The following POR variants were observed in gnomAD, a reference collection of about 807,000 sequenced individuals.
POR encodes the protein cytochrome p450 oxidoreductase.
Under a neutral mutation model 84.0 loss-of-function variants are expected in POR, and 56 were observed. The observed-to-expected ratio is 0.67, with a 90% CI of 0.54 to 0.83. POR has a LOEUF of 0.83. Among genes scored for constraint, POR ranks in the 40% least tolerant of loss-of-function variants. POR has a pLI of 0.00. For synonymous variants in POR, 414 were observed against 400.5 expected (o/e 1.03, Z -0.40); for missense variants, 938 against 944.3 (o/e 0.99, Z 0.09).
At chr7:75,963,078 G>T (rs369263289) in intron 2 of POR, among the ~76,000 whole-genome samples, 11 of 152,352 alleles carry the variant, frequency 7.2e-5, no homozygotes, top group South Asian at 6.2e-4. Context: ...CGGGAGGCCA[G>T]GGGTCAGGGC....
chr7:75,966,425 C>T (rs939983372), intron 2 of POR, among the ~76,000 whole-genome samples: 18 of 152,190 alleles, frequency 1.2e-4, no homozygotes, highest in Non-Finnish European at 2.1e-4. Context: ...AATCTGGGTC[C>T]GCCTAGCAGA....
chr7:75,934,281 C>T (rs1244548931), intron 1 of POR, among the ~76,000 whole-genome samples: 1 of 151,728 alleles, frequency 6.6e-6, no homozygotes, highest in Non-Finnish European at 1.5e-5. Context: ...GTATAATTCC[C>T]TTATAACAAG....
intron 2 of POR, among the ~76,000 whole-genome samples, chr7:75,957,582 G>A (rs1787742615): frequency 6.6e-6 from 1 of 152,122 alleles, no homozygotes; most frequent in African/African-American, 2.4e-5. Context: ...TCCTCTCATA[G>A]CTCATCTGTT....
At chr7:75,942,265 G>C (rs1554551609) in intron 1 of POR, among the ~76,000 whole-genome samples, 1 of 152,116 alleles carries the variant, frequency 6.6e-6, no homozygotes. Context: ...GTTTCATTGG[G>C]GTTCTGAATT....
At chr7:75,917,639 C>A (rs1806637445) in intron 1 of POR, among the ~76,000 whole-genome samples, 1 of 150,716 alleles carries the variant, frequency 6.6e-6, no homozygotes, top group South Asian at 2.1e-4. Context: ...TGACAATTTT[C>A]TTTTCTTTTC....
At chr7:75,939,186 C>T (rs782065504) in intron 1 of POR, among the ~76,000 whole-genome samples, 1 of 152,196 alleles carries the variant, frequency 6.6e-6, no homozygotes, top group Non-Finnish European at 1.5e-5. Context: ...GTTTGCTGCA[C>T]GCATGGACGT....
At position 75,985,766 on chromosome 7, in the gene POR, C is replaced by G; in HGVS notation, c.1586C>G (p.Thr529Arg). Residue 529 changes from threonine (T) to arginine (R), a missense_variant, in exon 13 of 16, where the codon ACG becomes AGG. Coordinates refer to ENST00000461988, the MANE Select transcript of POR (RefSeq NM_000941.3). ...TTCCGCCTGCCCTTCAAGGCCACCA[C>G]GCCTGTCATCATGGTGGGCCCCGGC... The G allele has an allele frequency of 1.9e-6, 3 of 1,579,054 alleles. No homozygotes were observed. The highest frequency in any genetic ancestry group is 1.3e-5 in the African/African-American group (1 of 74,324).
chr7:75,962,852 G>A (rs1465172076), intron 2 of POR, among the ~76,000 whole-genome samples: 2 of 152,224 alleles, frequency 1.3e-5, no homozygotes, highest in Admixed American at 6.5e-5. Context: ...GTGGGCTGCT[G>A]TGCCAGCGGT....
intron 2 of POR, among the ~76,000 whole-genome samples, chr7:75,959,048 A>G (rs1362234): frequency 0.038 from 5,839 of 152,226 alleles, 232 homozygotes; most frequent in African/African-American, 0.1. Context: ...CAGATTTTAG[A>G]TTAGGGACAT....
intron 1 of POR, among the ~76,000 whole-genome samples, chr7:75,935,209 T>G (rs956023996): frequency 6.6e-6 from 1 of 151,640 alleles, no homozygotes; most frequent in Non-Finnish European, 1.5e-5. Flanking sequence ...CAAAAGGAGA[T>G]TATTTGGGAG....
chr7:75,985,837 C>G lies in POR; in HGVS notation c.1657C>G (p.Leu553Val), dbSNP rs1554559196. 6.5e-7 allele frequency: 1 copy of G among 1,550,282 alleles called. No individual in the cohort carries two copies. ...AGGCTTCATCCAGGAGCGGGCCTGG[C>G]TGCGACAGCAGGGTGAGTGGGGTCC... The change falls in exon 13 of 16, where the codon CTG (leucine) becomes GTG (valine). Residue 553 changes from leucine to valine, a missense_variant. By Grantham distance (32) the Leu-to-Val change is conservative. Transcript: ENST00000461988.
intron 1 of POR, among the ~76,000 whole-genome samples, chr7:75,943,499 C>T (rs1432859735): frequency 2.6e-5 from 4 of 152,088 alleles, no homozygotes; most frequent in Admixed American, 1.3e-4. Flanking sequence ...TTCCCTTGTT[C>T]GATCACATAT....
chr7:75,938,579 G>T (rs2116324586), intron 1 of POR, among the ~76,000 whole-genome samples: 1 of 152,184 alleles, frequency 6.6e-6, no homozygotes, highest in South Asian at 2.1e-4. Flanking sequence ...GCAACTTAGT[G>T]AGACCCCATC....
chr7:75,975,814 A>ATTTTTTTT (rs539245771), intron 3 of POR, among the ~76,000 whole-genome samples: 44,393 of 80,882 alleles, frequency 0.55, 12,374 homozygotes, highest in Middle Eastern at 0.65. Context: ...AGCTGTTCAG[A>ATTTTTTTT]TTTTTTTTTT....
At chr7:75,950,404 T>G (rs182839950) in intron 1 of POR, among the ~76,000 whole-genome samples, 130 of 152,258 alleles carry the variant, frequency 8.5e-4, no homozygotes, top group Middle Eastern at 3.4e-3. Flanking sequence ...GACCGGTCAC[T>G]TGGGGAGTTA....
intron 3 of POR, among the ~76,000 whole-genome samples, chr7:75,977,238 CA>C (rs1438382369): frequency 2.6e-5 from 4 of 152,184 alleles, no homozygotes; most frequent in African/African-American, 9.7e-5. Context: ...GGATTTCACA[CA>C]GGGAAGGGGG....
At chr7:75,936,314 G>T (rs1268458898) in intron 1 of POR, among the ~76,000 whole-genome samples, 7 of 146,816 alleles carry the variant, frequency 4.8e-5, no homozygotes, top group Non-Finnish European at 9.0e-5. Context: ...TCACTTTGTT[G>T]CCCAGGCTGG....
chr7:75,954,068 T>C lies in POR; in HGVS notation c.76T>C (p.Phe26Leu). The change falls in exon 2 of 16, where the codon TTC becomes CTC. Residue 26 changes from phenylalanine (F) to leucine (L), a missense_variant. By Grantham distance (22) the Phe-to-Leu change is conservative. Coordinates refer to ENST00000461988, the MANE Select transcript of POR (RefSeq NM_000941.3). ...GGCGGTGGCCGAAGAAGTATCTCTT[T>C]TCAGCATGACGGACATGATTCTGTT... is the stretch of plus-strand genomic sequence containing the variant. The C allele has an allele frequency of 6.2e-7, 1 of 1,612,770 alleles. No individual in the cohort carries two copies. The highest frequency in any genetic ancestry group is 8.5e-7 in the Non-Finnish European group (1 of 1,179,360).
At chr7:75,970,152 C>T (rs1001469197) in intron 2 of POR, among the ~76,000 whole-genome samples, 2 of 152,050 alleles carry the variant, frequency 1.3e-5, no homozygotes, top group Non-Finnish European at 2.9e-5. Flanking sequence ...TGTTCAGAAT[C>T]GGCCACTTTT....
Sources: gnomAD v4.1 joint callset for allele counts (sites outside exome capture counted in the v4.1 genomes callset) on GRCh38, gnomAD v4.1.1 for gene constraint, MANE v1.5 for transcripts, NCBI Gene and HGNC (gene_info 2026-07-23, HGNC 2026-07-21) for gene names.